Variants in ATP10B observed in about 807,000 individuals in gnomAD.
The protein encoded by ATP10B is phospholipid-transporting ATPase VB.
A neutral mutation model predicts 141.2 loss-of-function variants in ATP10B; 122 were observed. That is an observed-to-expected ratio of 0.86 (90% CI 0.75 to 1.00). The LOEUF (loss-of-function observed/expected upper bound fraction) is 1.00. Among genes scored for constraint, ATP10B ranks in the 50% least tolerant of loss-of-function variants. The probability of loss-of-function intolerance (pLI) is 0.00; values close to 1 mark genes in which losing one functional copy is unlikely to be tolerated. For missense variants in ATP10B, 1,876 were observed against 1,825.3 expected (o/e 1.03, Z -0.51); for synonymous variants, 685 against 692.0 (o/e 0.99, Z 0.16).
chr5:160,812,785 C>G (rs1192397017), intron 1 of ATP10B, among the ~76,000 whole-genome samples: 2 of 152,088 alleles, frequency 1.3e-5, no homozygotes, highest in Admixed American at 1.3e-4. Context: ...AAGGGCAAAT[C>G]TAAAAGTTAT....
intron 25 of ATP10B, among the ~76,000 whole-genome samples, chr5:160,567,255 G>A (rs1308570595): frequency 2.0e-5 from 3 of 152,114 alleles, no homozygotes; most frequent in Non-Finnish European, 4.4e-5. Flanking sequence ...CGTAACATGT[G>A]AATATAGTTA....
chr5:160,822,508 AG>A (rs1392628786), intron 1 of ATP10B, among the ~76,000 whole-genome samples: 1 of 152,114 alleles, frequency 6.6e-6, no homozygotes, highest in Non-Finnish European at 1.5e-5. Flanking sequence ...TCTTTTTCAT[AG>A]GTATATACCC....
intron 7 of ATP10B, among the ~76,000 whole-genome samples, chr5:160,655,764 C>A (rs190167227): frequency 6.6e-6 from 1 of 152,250 alleles, no homozygotes; most frequent in African/African-American, 2.4e-5. Flanking sequence ...TTCATTCATG[C>A]GTGCATTCAA....
upstream of ATP10B, among the ~76,000 whole-genome samples, chr5:160,857,078 A>T (rs1382840745): frequency 6.6e-6 from 1 of 151,832 alleles, no homozygotes; most frequent in Non-Finnish European, 1.5e-5. Flanking sequence ...TCATAAAACA[A>T]TTTGAGATAT....
chr5:160,740,913 C>T (rs1441436767), intron 2 of ATP10B, among the ~76,000 whole-genome samples: 1 of 152,228 alleles, frequency 6.6e-6, no homozygotes, highest in East Asian at 1.9e-4. Flanking sequence ...TGACAGCTCT[C>T]TAATTAACTT....
chr5:160,797,544 T>C (rs768344262), intron 1 of ATP10B, among the ~76,000 whole-genome samples: 1 of 152,208 alleles, frequency 6.6e-6, no homozygotes, highest in African/African-American at 2.4e-5. Flanking sequence ...ATATTTTATA[T>C]ATTCCATGTT....
chr5:160,766,758 TAGA>T (rs1769468594), intron 2 of ATP10B, among the ~76,000 whole-genome samples: 1 of 152,186 alleles, frequency 6.6e-6, no homozygotes, highest in South Asian at 2.1e-4. Context: ...TTAAAAAAGT[TAGA>T]AGGACATGAT....
chr5:160,770,399 G>A (rs975391848), intron 2 of ATP10B, among the ~76,000 whole-genome samples: 4 of 149,824 alleles, frequency 2.7e-5, no homozygotes, highest in African/African-American at 7.4e-5. Flanking sequence ...ATCTGAGCAC[G>A]AGTTCTGGCC....
intron 8 of ATP10B, 111 bp downstream of exon 8, chr5:160,649,060 A>T (rs2127687461): frequency 1.4e-6 from 1 of 701,376 alleles, no homozygotes; most frequent in East Asian, 2.8e-5. Context: ...ACACACACAC[A>T]AATAAAATTC....
chr5:160,732,404 G>A (rs533863272), intron 2 of ATP10B, among the ~76,000 whole-genome samples: 5 of 152,170 alleles, frequency 3.3e-5, no homozygotes, highest in Admixed American at 6.5e-5. Context: ...CTTTTCCTAT[G>A]TTTTCTTCTA....
intron 10 of ATP10B, 122 bp downstream of exon 10, chr5:160,640,339 C>T (rs1470133607): frequency 1.5e-5 from 16 of 1,084,444 alleles, no homozygotes; most frequent in Admixed American, 2.5e-5. Context: ...ATTGGCATCC[C>T]GTTAAAGTGG....
intron 24 of ATP10B, among the ~76,000 whole-genome samples, chr5:160,574,149 G>C (rs1004915532): frequency 6.6e-6 from 1 of 152,112 alleles, no homozygotes. Flanking sequence ...TCTACATCTG[G>C]CTGGGTGCGG....
intron 2 of ATP10B, among the ~76,000 whole-genome samples, chr5:160,769,475 G>A (rs1202791268): frequency 1.3e-5 from 2 of 152,162 alleles, no homozygotes; most frequent in Non-Finnish European, 1.5e-5. Flanking sequence ...TAGGCTGGGC[G>A]CCTTTACAGC....
chr5:160,576,333 A>T (rs1005829171), intron 24 of ATP10B, among the ~76,000 whole-genome samples: 1 of 152,176 alleles, frequency 6.6e-6, no homozygotes, highest in Non-Finnish European at 1.5e-5. Flanking sequence ...GACTTAAAGG[A>T]TAAAAGTCAC....
intron 2 of ATP10B, among the ~76,000 whole-genome samples, chr5:160,739,603 G>C (rs576336882): frequency 1.3e-5 from 2 of 152,272 alleles, no homozygotes; most frequent in East Asian, 3.9e-4. Context: ...CAAGGTCCGT[G>C]CACTAACAAC....
At chr5:160,838,397 T>C (rs1775595938) in intron 1 of ATP10B, among the ~76,000 whole-genome samples, 2 of 152,208 alleles carry the variant, frequency 1.3e-5, no homozygotes, top group African/African-American at 4.8e-5. Context: ...CATCTGGTTA[T>C]CAGGCAGGGC....
At chr5:160,746,024 G>T (rs1329390378) in intron 2 of ATP10B, among the ~76,000 whole-genome samples, 3 of 152,176 alleles carry the variant, frequency 2.0e-5, no homozygotes, top group Admixed American at 2.0e-4. Flanking sequence ...CTACCTTCCA[G>T]TATTGGAATG....
intron 25 of ATP10B, among the ~76,000 whole-genome samples, chr5:160,568,178 G>C (rs1037398748): frequency 1.3e-5 from 2 of 152,112 alleles, no homozygotes; most frequent in African/African-American, 4.8e-5. Context: ...GACTTAATAT[G>C]CCCAGTAGAG....
At chr5:160,774,221 A>C (rs1770112532) in intron 2 of ATP10B, among the ~76,000 whole-genome samples, 1 of 152,202 alleles carries the variant, frequency 6.6e-6, no homozygotes, top group Non-Finnish European at 1.5e-5. Flanking sequence ...GAGCAACTGG[A>C]GGTCCCGGCA....
Sources: gnomAD v4.1 joint callset for allele counts (sites outside exome capture counted in the v4.1 genomes callset) on GRCh38, gnomAD v4.1.1 for gene constraint, MANE v1.5 for transcripts, NCBI Gene and HGNC (gene_info 2026-07-23, HGNC 2026-07-21) for gene names.